SCOC: variants seen among roughly 807,000 people sequenced by gnomAD.
SCOC encodes the protein short coiled-coil protein.
Under a neutral mutation model 9.9 loss-of-function variants are expected in SCOC, and 7 were observed. The observed-to-expected ratio is 0.71, with a 90% CI of 0.40 to 1.33. The LOEUF is 1.33. SCOC is among the 40% of genes most tolerant of loss of function. SCOC has a pLI of 0.01. For synonymous variants in SCOC, 19 were observed against 28.2 expected (o/e 0.67, Z 1.03); for missense variants, 66 against 89.7 (o/e 0.74, Z 1.07).
At chr4:140,281,878 C>T (rs984636133) in intron 1 of SCOC, among the ~76,000 whole-genome samples, 5 of 152,178 alleles carry the variant, frequency 3.3e-5, no homozygotes, top group Middle Eastern at 3.2e-3. Context: ...TTAGTTATCC[C>T]TGTTTGTGGG....
At chr4:140,375,018 A>G (rs1379172755) in intron 1 of SCOC, among the ~76,000 whole-genome samples, 1 of 152,234 alleles carries the variant, frequency 6.6e-6, no homozygotes, top group African/African-American at 2.4e-5. Context: ...TAGATGCAGA[A>G]AAGTTGAGTG....
At chr4:140,376,395 G>A (rs1381194199) in intron 1 of SCOC, 2 of 152,164 alleles carry the variant, frequency 1.3e-5, no homozygotes, top group African/African-American at 2.4e-5. Context: ...AAGGCAGCAG[G>A]TAATGCTGTG....
chr4:140,260,364 G>A (rs939644942), intron 1 of SCOC, among the ~76,000 whole-genome samples: 1 of 152,208 alleles, frequency 6.6e-6, no homozygotes, highest in Non-Finnish European at 1.5e-5. Flanking sequence ...CAGTTCCAGA[G>A]TTTCGTTCCT....
intron 2 of SCOC, among the ~76,000 whole-genome samples, chr4:140,351,499 AAT>A (rs1491364751): frequency 6.6e-6 from 1 of 151,968 alleles, no homozygotes; most frequent in Non-Finnish European, 1.5e-5. Context: ...ACCTCTCCTG[AAT>A]AATATTCAAA....
intron 1 of SCOC, among the ~76,000 whole-genome samples, chr4:140,267,871 T>G (rs542182685): frequency 1.3e-5 from 2 of 152,268 alleles, no homozygotes; most frequent in East Asian, 3.9e-4. Flanking sequence ...CCCTGGTGGT[T>G]TCTGTTTCCT....
chr4:140,319,113 T>C (rs952718231), intron 1 of SCOC, among the ~76,000 whole-genome samples: 3 of 152,134 alleles, frequency 2.0e-5, no homozygotes, highest in African/African-American at 4.8e-5. Flanking sequence ...TTTTTTGAGA[T>C]GGAGTTTCAT....
chr4:140,297,272 G>GC (rs954119007), intron 1 of SCOC, among the ~76,000 whole-genome samples: 44 of 117,294 alleles, frequency 3.8e-4, no homozygotes, highest in African/African-American at 1.8e-3. Flanking sequence ...GTGACTGTGG[G>GC]GGGGGGGGCA....
chr4:140,270,117 A>G (rs189739320), intron 1 of SCOC, among the ~76,000 whole-genome samples: 1 of 152,270 alleles, frequency 6.6e-6, no homozygotes, highest in Admixed American at 6.5e-5. Context: ...AATAGCCTTC[A>G]GCATCTTTTA....
At chr4:140,374,150 G>A in intron 1 of SCOC, 1 of 462,450 alleles carries the variant, frequency 2.2e-6, no homozygotes, top group South Asian at 1.5e-5. Flanking sequence ...GGGAGGCTGA[G>A]GTGGGGAGGG....
intron 1 of SCOC, among the ~76,000 whole-genome samples, chr4:140,326,634 T>C (rs1732654862): frequency 2.9e-5 from 1 of 34,384 alleles, no homozygotes; most frequent in Non-Finnish European, 5.6e-5. Flanking sequence ...TCAAATGAGT[T>C]ATAGGCAGAC....
intron 1 of SCOC, among the ~76,000 whole-genome samples, chr4:140,307,414 G>T (rs1413266859): frequency 3.3e-5 from 5 of 152,160 alleles, no homozygotes; most frequent in Non-Finnish European, 7.4e-5. Flanking sequence ...GCTCAGTGAA[G>T]AATCAGCAAT....
chr4:140,278,121 G>A (rs13152436), intron 1 of SCOC, among the ~76,000 whole-genome samples: 3 of 151,984 alleles, frequency 2.0e-5, no homozygotes, highest in Non-Finnish European at 4.4e-5. Flanking sequence ...ACTATAGACT[G>A]GATAATTTAT....
chr4:140,338,166 T>A (rs1445518064), intron 1 of SCOC, among the ~76,000 whole-genome samples: 3 of 152,144 alleles, frequency 2.0e-5, no homozygotes, highest in Non-Finnish European at 4.4e-5. Context: ...ATAAATGTAA[T>A]CCATCATATA....
At chr4:140,317,704 A>T (rs1348848172) in intron 1 of SCOC, among the ~76,000 whole-genome samples, 113 of 124,800 alleles carry the variant, frequency 9.1e-4, no homozygotes, top group African/African-American at 3.0e-3. Context: ...TATTATTATT[A>T]TTTTTAATTA....
At chr4:140,299,141 G>T (rs566666173) in intron 1 of SCOC, among the ~76,000 whole-genome samples, 5 of 152,162 alleles carry the variant, frequency 3.3e-5, no homozygotes, top group Non-Finnish European at 1.5e-5. Flanking sequence ...TTTATTTTTT[G>T]TAGGTACATA....
chr4:140,353,510 A>G (rs547915182), intron 2 of SCOC, among the ~76,000 whole-genome samples: 2 of 151,172 alleles, frequency 1.3e-5, no homozygotes. Flanking sequence ...TCCCGCGTTC[A>G]AGCGATTCTC....
rs186076447 is a variant in SCOC, at chr4:140,381,375, G to A, written c.*271G>A. The A allele has an allele frequency of 8.0e-5, 21 of 261,218 alleles. No homozygotes were observed. The East Asian group carries it at 2.0e-3, about 25-fold the overall frequency. 16.2% of individuals were successfully genotyped at this position (261,218 alleles called of 1,614,324 possible). A position where few individuals can be genotyped will look rare whatever the true frequency, so the allele number is the denominator to read the frequency against. Reference sequence around the variant, plus strand: ...TAAAGATGAATGTTTTATTGAATTTGTAGGTTTAGCACTGTCTTTTATTAT... The same window carrying A: ...TAAAGATGAATGTTTTATTGAATTTATAGGTTTAGCACTGTCTTTTATTAT... On this transcript the variant is annotated 3_prime_UTR_variant, in exon 4 of 4. Transcript: ENST00000608372.
chr4:140,330,950 T>C (rs1259733034), intron 1 of SCOC, among the ~76,000 whole-genome samples: 1 of 152,180 alleles, frequency 6.6e-6, no homozygotes, highest in East Asian at 1.9e-4. Context: ...CTGGTATATA[T>C]GCAAATTAGG....
chr4:140,341,344 T>C (rs1382862729), upstream of SCOC, among the ~76,000 whole-genome samples: 1 of 152,122 alleles, frequency 6.6e-6, no homozygotes, highest in East Asian at 1.9e-4. Flanking sequence ...TTATTATGAG[T>C]AGATAATAGA....
Sources: allele counts gnomAD v4.1 joint callset (sites outside exome capture counted in the v4.1 genomes callset), GRCh38; gene constraint gnomAD v4.1.1; transcripts MANE v1.5; gene names NCBI Gene and HGNC (gene_info 2026-07-23, HGNC 2026-07-21).